The following WWOX variants were observed in gnomAD, a reference collection of about 807,000 sequenced individuals.
WWOX encodes the protein WW domain-containing oxidoreductase.
In WWOX, 69 loss-of-function variants were observed where a neutral mutation model predicts 46.2. That is an observed-to-expected ratio of 1.49 (90% CI 1.23 to 1.82). The LOEUF (loss-of-function observed/expected upper bound fraction) is 1.82. Ranked by LOEUF, WWOX falls within the 40% of genes most tolerant of loss-of-function variation. The pLI is 0.00. For missense variants in WWOX, 919 were observed against 542.6 expected (o/e 1.69, Z -6.89); for synonymous variants, 359 against 202.6 (o/e 1.77, Z -6.56).
chr16:78,474,612 C>T (rs573272633), intron 8 of WWOX, among the ~76,000 whole-genome samples: 1 of 152,276 alleles, frequency 6.6e-6, no homozygotes, highest in South Asian at 2.1e-4. Context: ...CTATACAATT[C>T]ATGCATTTAA....
chr16:79,211,548 ACGC>A, intron 8 of WWOX, 57 bp from the exon 9 acceptor site: 3 of 1,609,492 alleles, frequency 1.9e-6, no homozygotes, highest in Non-Finnish European at 2.5e-6. Flanking sequence ...AGTCGAAATG[ACGC>A]CATCTCATCA....
At position 78,797,558 on chromosome 16, in the gene WWOX, G is replaced by A. The variant is rs114891835; in HGVS notation, c.1056+364806G>A. On this transcript the variant is annotated intron_variant, in intron 8 of 8. Transcript: ENST00000566780. ...GCACTGTTCCAACTCCAGTCTGGCT[G>A]CTTTTTCAACCTGGGGCTTTAGTCA... Among the ~76,000 whole-genome samples the A allele has an allele frequency of 5.6e-3, 857 of 152,206 alleles. 5 individuals are homozygous for A. The highest frequency in any genetic ancestry group is 0.02 in the African/African-American group (812 of 41,518).
chr16:78,757,073 G>A (rs986293084), intron 8 of WWOX: 1 of 700,658 alleles, frequency 1.4e-6, no homozygotes, highest in African/African-American at 1.7e-5. Flanking sequence ...TGAGGTGATT[G>A]CAGCCTTTGC....
chr16:79,114,888 C>T (rs772596517), intron 8 of WWOX, among the ~76,000 whole-genome samples: 2 of 152,200 alleles, frequency 1.3e-5, no homozygotes, highest in Non-Finnish European at 2.9e-5. Flanking sequence ...GTTCATGTTT[C>T]CCAGCCCATT....
intron 8 of WWOX, among the ~76,000 whole-genome samples, chr16:79,194,230 C>T (rs1199302889): frequency 6.6e-6 from 1 of 152,158 alleles, no homozygotes; most frequent in Non-Finnish European, 1.5e-5. Context: ...AATAATTTGA[C>T]TGGTCATTTT....
At chr16:78,821,998 T>C (rs1422696373) in intron 8 of WWOX, among the ~76,000 whole-genome samples, 1 of 152,150 alleles carries the variant, frequency 6.6e-6, no homozygotes, top group African/African-American at 2.4e-5. Flanking sequence ...TGCCTCAGTC[T>C]CCTGAGTAGG....
rs541168737 is a variant in WWOX, at chr16:78,540,711, G to A, written c.1056+107959G>A. ...GATATTTTGTTAAAAAAAAAAAATG[G>A]GGTCTCATTCTGTTGCCCCGGCTGC... On this transcript the variant is annotated intron_variant, in intron 8 of 8. Coordinates refer to ENST00000566780, the MANE Select transcript of WWOX (RefSeq NM_016373.4). Among the ~76,000 whole-genome samples, 42 of 151,958 alleles carry A rather than the reference G, an allele frequency of 2.8e-4. 1 individual carries two copies. The highest frequency in any genetic ancestry group is 9.9e-4 in the African/African-American group (41 of 41,444).
intron 8 of WWOX, among the ~76,000 whole-genome samples, chr16:79,153,753 T>G (rs1055104312): frequency 3.9e-5 from 6 of 152,032 alleles, no homozygotes; most frequent in African/African-American, 1.4e-4. Flanking sequence ...ATCTGTTTTT[T>G]GGGGGGGGTT....
chr16:78,456,826 C>G (rs1453481652), intron 8 of WWOX, among the ~76,000 whole-genome samples: 1 of 152,192 alleles, frequency 6.6e-6, no homozygotes, highest in African/African-American at 2.4e-5. Flanking sequence ...CATTAACAAA[C>G]CATGTTAACA....
chr16:78,723,406 C>T (rs746034843), intron 8 of WWOX, among the ~76,000 whole-genome samples: 23 of 151,796 alleles, frequency 1.5e-4, no homozygotes, highest in Non-Finnish European at 3.2e-4. Context: ...CCACAAGATG[C>T]CCTGATGGTG....
At chr16:79,063,353 G>A (rs1432718692) in intron 8 of WWOX, among the ~76,000 whole-genome samples, 1 of 152,140 alleles carries the variant, frequency 6.6e-6, no homozygotes, top group Non-Finnish European at 1.5e-5. Context: ...CCTGGCGTGC[G>A]TATCTTGGCC....
intron 8 of WWOX, among the ~76,000 whole-genome samples, chr16:78,732,033 A>G (rs1422500378): frequency 6.6e-6 from 1 of 151,610 alleles, no homozygotes; most frequent in African/African-American, 2.4e-5. Flanking sequence ...ACAAACAAAC[A>G]AAACACTTTT....
intron 8 of WWOX, among the ~76,000 whole-genome samples, chr16:79,071,286 A>C (rs993093056): frequency 2.0e-5 from 3 of 152,158 alleles, no homozygotes; most frequent in Non-Finnish European, 4.4e-5. Flanking sequence ...CCTGACAATG[A>C]CTTTTTTGTC....
intron 8 of WWOX, among the ~76,000 whole-genome samples, chr16:78,793,621 G>A (rs2050665174): frequency 6.6e-6 from 1 of 152,108 alleles, no homozygotes; most frequent in Admixed American, 6.5e-5. Context: ...ATTATTCAAT[G>A]TGCCTACATA....
chr16:78,337,148 A>G (rs191481211), intron 5 of WWOX, among the ~76,000 whole-genome samples: 1 of 152,280 alleles, frequency 6.6e-6, no homozygotes, highest in African/African-American at 2.4e-5. Context: ...GTTCAAAGAA[A>G]ACATGTTTGT....
chr16:78,461,114 C>A (rs972718867), intron 8 of WWOX, among the ~76,000 whole-genome samples: 2 of 152,110 alleles, frequency 1.3e-5, no homozygotes, highest in African/African-American at 4.8e-5. Flanking sequence ...GTGCAGAATT[C>A]CATGTTTGAT....
At chr16:78,721,068 G>C (rs1018123581) in intron 8 of WWOX, among the ~76,000 whole-genome samples, 1 of 151,978 alleles carries the variant, frequency 6.6e-6, no homozygotes, top group African/African-American at 2.4e-5. Flanking sequence ...TCGTTTATTG[G>C]TGATCACTTG....
intron 8 of WWOX, among the ~76,000 whole-genome samples, chr16:78,798,592 T>G (rs1464492406): frequency 2.1e-5 from 1 of 47,580 alleles, no homozygotes; most frequent in Non-Finnish European, 5.1e-5. Flanking sequence ...TGTTGTTGGG[T>G]TTTTTTTTTT....
At chr16:79,009,462 T>A (rs1205529839) in intron 8 of WWOX, among the ~76,000 whole-genome samples, 1 of 151,906 alleles carries the variant, frequency 6.6e-6, no homozygotes, top group Non-Finnish European at 1.5e-5. Flanking sequence ...TAGAGGCCCA[T>A]CATCAAATTT....
Sources: gnomAD v4.1 joint callset for allele counts (sites outside exome capture counted in the v4.1 genomes callset) on GRCh38, gnomAD v4.1.1 for gene constraint, MANE v1.5 for transcripts, NCBI Gene and HGNC (gene_info 2026-07-23, HGNC 2026-07-21) for gene names.